The following ALMS1 variants were observed in gnomAD, a reference collection of about 807,000 sequenced individuals.
ALMS1 encodes ALMS1 centrosome and basal body associated protein, also known as centrosome-associated protein ALMS1.
Under a neutral mutation model 352.2 loss-of-function variants are expected in ALMS1, and 271 were observed. That is an observed-to-expected ratio of 0.77 (90% CI 0.70 to 0.85). The LOEUF (loss-of-function observed/expected upper bound fraction) is 0.85. Ranked by LOEUF, ALMS1 falls within the 40% of genes least tolerant of loss-of-function variation. The probability of loss-of-function intolerance (pLI) is 0.00; values close to 1 mark genes in which losing one functional copy is unlikely to be tolerated. For synonymous variants in ALMS1, 1,865 were observed against 1,761.2 expected, an observed-to-expected ratio of 1.06 and a Z score of -1.48; for missense variants, 5,445 against 4,870.7, an observed-to-expected ratio of 1.12 and a Z score of -3.51.
chr2:73,443,035 C>A (rs1395745282), intron 7 of ALMS1, among the ~76,000 whole-genome samples: 1 of 152,186 alleles, frequency 6.6e-6, no homozygotes, highest in Non-Finnish European at 1.5e-5. Flanking sequence ...ATCACTTAAT[C>A]TCGTTGATTC....
intron 1 of ALMS1, among the ~76,000 whole-genome samples, chr2:73,397,468 T>C (rs2103648370): frequency 6.6e-6 from 1 of 152,186 alleles, no homozygotes; most frequent in Non-Finnish European, 1.5e-5. Context: ...GGGGTTTTTT[T>C]GTTTTGTTTT....
chr2:73,495,716 CGTGT>C (rs967625353), intron 10 of ALMS1, among the ~76,000 whole-genome samples: 12 of 151,922 alleles, frequency 7.9e-5, no homozygotes, highest in Non-Finnish European at 4.4e-5. Context: ...TATCTTTTAA[CGTGT>C]GTGTGTGTTT....
intron 10 of ALMS1, among the ~76,000 whole-genome samples, chr2:73,492,845 G>T (rs1453100935): frequency 6.6e-6 from 1 of 151,860 alleles, no homozygotes; most frequent in African/African-American, 2.4e-5. Context: ...CTGGGTTCCC[G>T]TCCCGCCTCA....
intron 1 of ALMS1, among the ~76,000 whole-genome samples, chr2:73,405,441 C>G (rs1159317310): frequency 6.6e-6 from 1 of 151,986 alleles, no homozygotes; most frequent in East Asian, 1.9e-4. Flanking sequence ...TCCCCTCTTT[C>G]ATTTCTGAAT....
chr2:73,568,528 A>G (rs1291772716), intron 15 of ALMS1, among the ~76,000 whole-genome samples: 1 of 152,164 alleles, frequency 6.6e-6, no homozygotes, highest in Non-Finnish European at 1.5e-5. Flanking sequence ...TTAATATAAA[A>G]TGTTTGTAGA....
chr2:73,430,088 T>C (rs530836191), intron 6 of ALMS1, among the ~76,000 whole-genome samples: 2 of 151,154 alleles, frequency 1.3e-5, no homozygotes, highest in Admixed American at 6.6e-5. Context: ...TTTTTTTTTT[T>C]TTTTTTGAGA....
At chr2:73,514,939 A>G (rs1202405638) in intron 10 of ALMS1, among the ~76,000 whole-genome samples, 1 of 152,114 alleles carries the variant, frequency 6.6e-6, no homozygotes. Context: ...TTTTCTTAGT[A>G]TTACTTTGTG....
chr2:73,561,387 A>G (rs769427832), intron 15 of ALMS1, among the ~76,000 whole-genome samples: 52 of 152,220 alleles, frequency 3.4e-4, no homozygotes, highest in Non-Finnish European at 6.8e-4. Flanking sequence ...ACATAATATT[A>G]TCAAGACTTT....
rs750493624 is a variant in ALMS1 at position 73,559,055 on chromosome 2, A to G, written c.10297A>G (p.Thr3433Ala). ...MKNLPDTKAI[T>A]QKEEIHRKKT... is the part of the protein sequence containing the mutation. ...GAACTTGCCAGACACTAAAGCCATTACACAGAAAGAGGAGATCCATAGGAA... is the reference window on the plus strand; with the variant it reads ...GAACTTGCCAGACACTAAAGCCATTGCACAGAAAGAGGAGATCCATAGGAA... The change falls in exon 15 of 23, where the codon ACA becomes GCA. Residue 3433 changes from threonine (T) to alanine (A), a missense_variant. Physicochemically the swap from Thr to Ala is moderately conservative, Grantham distance 58. Transcript: ENST00000613296. The G allele has an allele frequency of 1.2e-6, 2 of 1,614,098 alleles. No homozygotes were observed. The highest frequency in any genetic ancestry group is 2.2e-5 in the South Asian group (2 of 91,072).
chr2:73,440,099 G>T (rs1396846056), intron 7 of ALMS1, among the ~76,000 whole-genome samples: 2 of 152,098 alleles, frequency 1.3e-5, no homozygotes. Context: ...TCCTGCCTCA[G>T]CCTCCTAAGT....
rs1163975761 is a variant in ALMS1 at position 73,557,241 on chromosome 2, T to G, written c.10100T>G (p.Ile3367Ser). Residue 3367 changes from isoleucine (I) to serine (S), a missense_variant, in exon 14 of 23, where the codon ATC (isoleucine) becomes AGC (serine). Ile to Ser is a moderately radical substitution (Grantham distance 142). Coordinates refer to ENST00000613296, the MANE Select transcript of ALMS1 (RefSeq NM_001378454.1). ...ENADASVQVL[I>S]TGDENLSDKK... ...CCAGATGCCTCAGTTCAAGTGCTAATCACTGGGGATGAGAACCTCTCAGAC... is the reference window on the plus strand; with the variant it reads ...CCAGATGCCTCAGTTCAAGTGCTAAGCACTGGGGATGAGAACCTCTCAGAC... 1 of 1,614,040 alleles carries G rather than the reference T, an allele frequency of 6.2e-7. No individual in the cohort carries two copies. The highest frequency in any genetic ancestry group is 1.3e-5 in the African/African-American group (1 of 74,924).
intron 11 of ALMS1, among the ~76,000 whole-genome samples, chr2:73,530,682 C>T (rs145403481): frequency 1.3e-5 from 2 of 152,336 alleles, no homozygotes; most frequent in African/African-American, 2.4e-5. Flanking sequence ...TCTGCATTTC[C>T]CTAGTAGAAG....
chr2:73,517,143 A>C (rs750793607), intron 10 of ALMS1, among the ~76,000 whole-genome samples: 10 of 151,712 alleles, frequency 6.6e-5, no homozygotes, highest in Admixed American at 2.0e-4. Flanking sequence ...GAGACTCAAA[A>C]GTTCTACTTT....
chr2:73,404,325 G>A (rs895852450), intron 1 of ALMS1, among the ~76,000 whole-genome samples: 1 of 152,172 alleles, frequency 6.6e-6, no homozygotes, highest in Non-Finnish European at 1.5e-5. Context: ...ATGTTGAGTA[G>A]AAGGGTGAGA....
At chr2:73,584,980 G>T (rs144688334) in intron 16 of ALMS1, among the ~76,000 whole-genome samples, 206 of 152,266 alleles carry the variant, frequency 1.4e-3, no homozygotes, top group Middle Eastern at 3.4e-3. Context: ...TGGCTGAGTA[G>T]TATTCCATGG....
chr2:73,519,513 G>C (rs959656142), intron 10 of ALMS1, among the ~76,000 whole-genome samples: 2 of 152,036 alleles, frequency 1.3e-5, no homozygotes, highest in Admixed American at 1.3e-4. Context: ...CTGAAAAATA[G>C]CATTTCCTCA....
intron 7 of ALMS1, among the ~76,000 whole-genome samples, chr2:73,446,251 T>A (rs1002166181): frequency 1.3e-5 from 2 of 152,194 alleles, no homozygotes; most frequent in African/African-American, 4.8e-5. Context: ...TCTTAACTCC[T>A]TAGCTATTTA....
At chr2:73,468,550 C>T (rs971883554) in intron 9 of ALMS1, among the ~76,000 whole-genome samples, 7 of 152,016 alleles carry the variant, frequency 4.6e-5, no homozygotes, top group Admixed American at 1.3e-4. Flanking sequence ...CTCATTCTGT[C>T]TTCCCATCTG....
At chr2:73,561,094 A>G (rs1243927137) in intron 15 of ALMS1, among the ~76,000 whole-genome samples, 1 of 152,262 alleles carries the variant, frequency 6.6e-6, no homozygotes, top group African/African-American at 2.4e-5. Context: ...TTCATAACTC[A>G]GGATTGCACA....
Sources: allele counts gnomAD v4.1 joint callset (sites outside exome capture counted in the v4.1 genomes callset), GRCh38; gene constraint gnomAD v4.1.1; transcripts MANE v1.5; gene names NCBI Gene and HGNC (gene_info 2026-07-23, HGNC 2026-07-21).